PHACTR1: variants seen among roughly 807,000 people sequenced by gnomAD.
The protein encoded by PHACTR1 is phosphatase and actin regulator 1, also known as RPEL repeat containing 1.
PHACTR1 carries 16 observed loss-of-function variants against 69.2 expected under a neutral mutation model. The ratio of observed to expected loss-of-function variants is 0.23; its 90% CI spans 0.16 to 0.35. The LOEUF is 0.35. Among genes scored for constraint, PHACTR1 ranks in the 10% least tolerant of loss-of-function variants. The pLI is 1.00. For missense variants in PHACTR1, 510 were observed against 734.7 expected (o/e 0.69, Z 3.54); for synonymous variants, 312 against 284.5 (o/e 1.10, Z -0.97).
chr6:12,740,164 G>GT (rs531478062), intron 3 of PHACTR1, among the ~76,000 whole-genome samples: 65 of 148,910 alleles, frequency 4.4e-4, no homozygotes, highest in East Asian at 1.2e-3. Flanking sequence ...TGTAGCAGTA[G>GT]TTTTTTTTTT....
intron 4 of PHACTR1, among the ~76,000 whole-genome samples, chr6:13,031,542 A>G (rs1802454780): frequency 6.6e-6 from 1 of 152,196 alleles, no homozygotes. Flanking sequence ...GATTCTTCTC[A>G]TATGAAAGCA....
At chr6:12,992,817 G>A (rs1174613924) in intron 4 of PHACTR1, among the ~76,000 whole-genome samples, 1 of 152,170 alleles carries the variant, frequency 6.6e-6, no homozygotes, top group Admixed American at 6.5e-5. Context: ...GTGGGGCAGG[G>A]GTTTATAGAC....
intron 3 of PHACTR1, 126 bp downstream of exon 3, chr6:12,718,973 C>T (rs1325578969): frequency 1.7e-5 from 8 of 479,432 alleles, no homozygotes; most frequent in African/African-American, 1.9e-5. Context: ...AGTTGATAAC[C>T]TCTACCAAAC....
At chr6:13,233,888 G>A (rs1771602039) in intron 10 of PHACTR1, among the ~76,000 whole-genome samples, 1 of 152,204 alleles carries the variant, frequency 6.6e-6, no homozygotes, top group Non-Finnish European at 1.5e-5. Context: ...TTCAACTAGG[G>A]AGTTTCTTTC....
chr6:12,833,554 C>T (rs1302770587), intron 4 of PHACTR1, among the ~76,000 whole-genome samples: 1 of 152,104 alleles, frequency 6.6e-6, no homozygotes, highest in Non-Finnish European at 1.5e-5. Context: ...CCACTGTGCC[C>T]GGCCAAACCT....
chr6:13,191,074 C>G (rs1246735143), intron 7 of PHACTR1, among the ~76,000 whole-genome samples: 1 of 152,136 alleles, frequency 6.6e-6, no homozygotes, highest in East Asian at 1.9e-4. Context: ...GATGCTCTCT[C>G]TCCCCCATTG....
At chr6:12,725,153 C>G (rs1237256563) in intron 3 of PHACTR1, among the ~76,000 whole-genome samples, 2 of 152,118 alleles carry the variant, frequency 1.3e-5, no homozygotes, top group Non-Finnish European at 2.9e-5. Flanking sequence ...CCCGTCTCTC[C>G]CCTCACGCCT....
intron 4 of PHACTR1, among the ~76,000 whole-genome samples, chr6:12,827,881 GA>G (rs1447511912): frequency 5.5e-5 from 8 of 144,540 alleles, no homozygotes; most frequent in East Asian, 4.0e-4. Flanking sequence ...ATGTGAGGGT[GA>G]GGGGGGGTGA....
At chr6:12,818,342 T>C (rs1775822710) in intron 4 of PHACTR1, among the ~76,000 whole-genome samples, 1 of 152,210 alleles carries the variant, frequency 6.6e-6, no homozygotes, top group African/African-American at 2.4e-5. Context: ...CTGAGATGTC[T>C]GGGCTAGCTT....
intron 4 of PHACTR1, among the ~76,000 whole-genome samples, chr6:12,832,179 C>T (rs1323940836): frequency 6.6e-6 from 1 of 152,072 alleles, no homozygotes; most frequent in African/African-American, 2.4e-5. Context: ...TCATCTCTAT[C>T]AGAACTATGG....
rs373626171 is a variant in PHACTR1 at position 13,287,046 on chromosome 6, A to G, written c.1728-17A>G. The G allele has an allele frequency of 5.0e-6, 8 of 1,607,424 alleles. No homozygotes were observed. Among genetic ancestry groups the G allele is most frequent in the Non-Finnish European group, 6.8e-6 (8 of 1,176,786 alleles). Reference sequence around the variant, plus strand: ...TTGGCAGCCCCTTGGTCTTGATGTAATTGTTTGTTTCCTTAGGTTTCACCG... The same window carrying G: ...TTGGCAGCCCCTTGGTCTTGATGTAGTTGTTTGTTTCCTTAGGTTTCACCG... On this transcript the variant is annotated splice_polypyrimidine_tract_variant and intron_variant, in intron 14 of 14. Coordinates refer to ENST00000332995, the MANE Select transcript of PHACTR1 (RefSeq NM_030948.6).
At chr6:12,802,221 T>G (rs978155330) in intron 4 of PHACTR1, among the ~76,000 whole-genome samples, 3 of 151,400 alleles carry the variant, frequency 2.0e-5, no homozygotes, top group South Asian at 2.1e-4. Context: ...AGGTGATGAG[T>G]AGATCTGACT....
chr6:13,075,323 A>G (rs1810261892), intron 5 of PHACTR1, among the ~76,000 whole-genome samples: 1 of 152,202 alleles, frequency 6.6e-6, no homozygotes. Flanking sequence ...TGGCTCTTAA[A>G]GAACAAATCC....
At chr6:12,977,167 GTCTTGAAC>G (rs1230048702) in intron 4 of PHACTR1, among the ~76,000 whole-genome samples, 3 of 152,108 alleles carry the variant, frequency 2.0e-5, no homozygotes. Flanking sequence ...GGCTAGGCTG[GTCTTGAAC>G]TCTTGACCTC....
intron 4 of PHACTR1, among the ~76,000 whole-genome samples, chr6:12,886,113 A>G (rs1210695272): frequency 1.3e-5 from 2 of 152,142 alleles, no homozygotes; most frequent in African/African-American, 4.8e-5. Context: ...AAACAAAAAC[A>G]GAAAACAAAA....
At chr6:12,979,952 C>A (rs993540052) in intron 4 of PHACTR1, among the ~76,000 whole-genome samples, 1 of 152,118 alleles carries the variant, frequency 6.6e-6, no homozygotes, top group Non-Finnish European at 1.5e-5. Flanking sequence ...CCAAAATGTT[C>A]TTTTTTGTTT....
At chr6:13,042,142 G>A (rs1205198883) in intron 4 of PHACTR1, among the ~76,000 whole-genome samples, 1 of 152,188 alleles carries the variant, frequency 6.6e-6, no homozygotes, top group Non-Finnish European at 1.5e-5. Context: ...TCGATTCTTT[G>A]AGAAAATAGT....
intron 4 of PHACTR1, among the ~76,000 whole-genome samples, chr6:13,006,718 G>A (rs777624699): frequency 1.1e-4 from 17 of 152,026 alleles, no homozygotes; most frequent in East Asian, 3.9e-4. Context: ...AGGCTAGATC[G>A]TGTTGCAGTG....
At chr6:12,973,871 TAAAC>T (rs1219434835) in intron 4 of PHACTR1, among the ~76,000 whole-genome samples, 17 of 147,754 alleles carry the variant, frequency 1.2e-4, no homozygotes, top group Admixed American at 6.1e-4. Context: ...TTTAAACAAA[TAAAC>T]AAACAAACAA....
Sources: gnomAD v4.1 joint callset for allele counts (sites outside exome capture counted in the v4.1 genomes callset) on GRCh38, gnomAD v4.1.1 for gene constraint, MANE v1.5 for transcripts, NCBI Gene and HGNC (gene_info 2026-07-23, HGNC 2026-07-21) for gene names.